ANKRD44: variants seen among roughly 807,000 people sequenced by gnomAD.
ANKRD44 encodes the protein ankyrin repeat domain 44.
ANKRD44 carries 35 observed loss-of-function variants against 116.0 expected under a neutral mutation model. The observed-to-expected ratio is 0.30, with a 90% CI of 0.23 to 0.40. ANKRD44 has a LOEUF of 0.40. ANKRD44 is among the 10% of genes least tolerant of loss of function. The pLI, the probability that ANKRD44 is intolerant of heterozygous loss-of-function variation, is 1.00. For missense variants in ANKRD44, 1,014 were observed against 1,242.6 expected, an observed-to-expected ratio of 0.82 and a Z score of 2.77; for synonymous variants, 435 against 461.8, an observed-to-expected ratio of 0.94 and a Z score of 0.74.
At chr2:197,068,953 TA>T (rs1284846966) in intron 16 of ANKRD44, among the ~76,000 whole-genome samples, 1 of 152,206 alleles carries the variant, frequency 6.6e-6, no homozygotes, top group Non-Finnish European at 1.5e-5. Context: ...ACTGGGTATA[TA>T]CCCAAAGGAT....
At chr2:196,984,143 G>C (rs551519927), downstream of ANKRD44, among the ~76,000 whole-genome samples, 12 of 152,128 alleles carry the variant, frequency 7.9e-5, no homozygotes, top group South Asian at 1.7e-3. Flanking sequence ...CATTGATGAA[G>C]AAATGATTCA....
intron 16 of ANKRD44, among the ~76,000 whole-genome samples, chr2:197,044,285 C>A (rs1371373424): frequency 6.6e-6 from 1 of 152,176 alleles, no homozygotes; most frequent in Non-Finnish European, 1.5e-5. Context: ...CTGCAGTTTC[C>A]AACTGCACAT....
chr2:197,037,720 T>C (rs2076833924), intron 16 of ANKRD44, among the ~76,000 whole-genome samples: 1 of 152,200 alleles, frequency 6.6e-6, no homozygotes, highest in Non-Finnish European at 1.5e-5. Context: ...GGAGGATCAC[T>C]TGAGCCCACG....
chr2:197,062,792 G>C (rs907299291), intron 16 of ANKRD44, among the ~76,000 whole-genome samples: 3 of 152,260 alleles, frequency 2.0e-5, no homozygotes, highest in Non-Finnish European at 2.9e-5. Flanking sequence ...CCATTACTGA[G>C]GCTTGAGTAG....
At chr2:197,074,182 T>C (rs2077617472) in intron 16 of ANKRD44, among the ~76,000 whole-genome samples, 1 of 152,162 alleles carries the variant, frequency 6.6e-6, no homozygotes. Flanking sequence ...TCTCTCCAAC[T>C]GAATTAAATA....
intron 9 of ANKRD44, among the ~76,000 whole-genome samples, chr2:197,108,789 G>A (rs1325785485): frequency 6.6e-6 from 1 of 152,074 alleles, no homozygotes; most frequent in African/African-American, 2.4e-5. Context: ...AGTGAGCTGA[G>A]ATCACCCCAT....
At chr2:197,031,037 T>G (rs1425278521) in intron 16 of ANKRD44, among the ~76,000 whole-genome samples, 2 of 152,118 alleles carry the variant, frequency 1.3e-5, no homozygotes, top group Non-Finnish European at 2.9e-5. Context: ...GAGGAAATTA[T>G]AGTACCCACA....
rs756632001 is a variant in ANKRD44 at position 197,147,002 on chromosome 2, A to C, written c.190+25T>G. ...TTATTTAAATTTTTATTTGCAATTG[A>C]CTTTTGAGTATAGCAGTTATTTACC... On this transcript the variant is annotated intron_variant, in intron 3 of 27. Transcript: ENST00000282272. 6.9e-6 allele frequency: 11 copies of C among 1,604,546 alleles called. 1 individual carries two copies. In the South Asian group the frequency reaches 1.2e-4, roughly 18 times the overall value.
chr2:197,045,644 C>T (rs760932147), intron 16 of ANKRD44, among the ~76,000 whole-genome samples: 17 of 152,184 alleles, frequency 1.1e-4, no homozygotes, highest in Non-Finnish European at 1.6e-4. Flanking sequence ...TGGAATCTCA[C>T]TCTTCTAAAC....
rs1182429227 is a variant in ANKRD44 at position 197,113,515 on chromosome 2, T to C, written c.907-2671A>G. Among the ~76,000 whole-genome samples, 100 of 152,196 alleles carry C rather than the reference T, an allele frequency of 6.6e-4. 1 individual carries two copies. On this transcript the variant is annotated intron_variant, in intron 8 of 27. Transcript: ENST00000282272. Reference sequence around the variant, plus strand: ...TATAAATACTTCAGCATTTAGAAAATATCTTCACAATATTCAGCTAAGCAA... The same window carrying C: ...TATAAATACTTCAGCATTTAGAAAACATCTTCACAATATTCAGCTAAGCAA...
chr2:197,200,953 A>C (rs2081080470), intron 1 of ANKRD44, among the ~76,000 whole-genome samples: 1 of 152,250 alleles, frequency 6.6e-6, no homozygotes, highest in Non-Finnish European at 1.5e-5. Flanking sequence ...CAATTGTTAA[A>C]TATGATTTGA....
intron 1 of ANKRD44, among the ~76,000 whole-genome samples, chr2:197,293,854 CATG>C (rs937927319): frequency 3.3e-5 from 5 of 152,222 alleles, no homozygotes; most frequent in Admixed American, 6.5e-5. Flanking sequence ...ACTAGAACCA[CATG>C]ATAATTACCC....
intron 1 of ANKRD44, among the ~76,000 whole-genome samples, chr2:197,228,643 C>T (rs2081777477): frequency 1.3e-5 from 2 of 152,164 alleles, no homozygotes; most frequent in East Asian, 1.9e-4. Flanking sequence ...AGCTCTGTGT[C>T]CTACAACTAA....
intron 16 of ANKRD44, among the ~76,000 whole-genome samples, chr2:197,057,068 G>T (rs1392458683): frequency 6.6e-6 from 1 of 152,082 alleles, no homozygotes; most frequent in Non-Finnish European, 1.5e-5. Context: ...AGGCATATTT[G>T]TCTTGTTCCT....
intron 16 of ANKRD44, among the ~76,000 whole-genome samples, chr2:197,063,734 AAGAAG>A (rs1271256100): frequency 6.6e-6 from 1 of 152,196 alleles, no homozygotes; most frequent in Non-Finnish European, 1.5e-5. Context: ...GAAATGAAAC[AAGAAG>A]AGAAGTTTAG....
At chr2:197,070,706 G>C (rs889013982) in intron 16 of ANKRD44, among the ~76,000 whole-genome samples, 54 of 151,224 alleles carry the variant, frequency 3.6e-4, no homozygotes, top group Non-Finnish European at 5.8e-4. Context: ...CTCGCTCTCT[G>C]TGTGTGTGTG....
At chr2:196,997,972 T>C (rs190686251) in intron 25 of ANKRD44, among the ~76,000 whole-genome samples, 14 of 152,352 alleles carry the variant, frequency 9.2e-5, no homozygotes, top group African/African-American at 2.4e-4. Context: ...AAACTGCTTA[T>C]ACTTTACAAG....
At chr2:197,087,637 C>T (rs904794184) in intron 12 of ANKRD44, among the ~76,000 whole-genome samples, 1 of 152,222 alleles carries the variant, frequency 6.6e-6, no homozygotes, top group African/African-American at 2.4e-5. Flanking sequence ...CCTCACCCCA[C>T]ACCCACCCTT....
At chr2:197,262,376 C>T (rs1024139437) in intron 1 of ANKRD44, among the ~76,000 whole-genome samples, 1 of 152,214 alleles carries the variant, frequency 6.6e-6, no homozygotes, top group Admixed American at 6.5e-5. Flanking sequence ...CTCCTAGAGT[C>T]AACATCATGA....
Sources: gnomAD v4.1 joint callset for allele counts (sites outside exome capture counted in the v4.1 genomes callset) on GRCh38, gnomAD v4.1.1 for gene constraint, MANE v1.5 for transcripts, NCBI Gene and HGNC (gene_info 2026-07-23, HGNC 2026-07-21) for gene names.